The following DLGAP1 variants were observed in gnomAD, a reference collection of about 807,000 sequenced individuals.
The protein encoded by DLGAP1 is DLG associated protein 1, also known as disks large-associated protein 1.
In DLGAP1, 11 loss-of-function variants were observed where a neutral mutation model predicts 90.8. The ratio of observed to expected loss-of-function variants is 0.12; its 90% CI spans 0.08 to 0.20. The LOEUF is 0.20. DLGAP1 is among the 10% of genes least tolerant of loss of function. DLGAP1 has a pLI of 1.00. For missense variants in DLGAP1, 1,050 were observed against 1,333.8 expected (o/e 0.79, Z 3.31); for synonymous variants, 558 against 540.7 (o/e 1.03, Z -0.44).
At chr18:3,802,253 G>T (rs927936932) in intron 5 of DLGAP1, among the ~76,000 whole-genome samples, 1 of 147,738 alleles carries the variant, frequency 6.8e-6, no homozygotes, top group Admixed American at 6.7e-5. Flanking sequence ...AAAGTGTTGG[G>T]ATTACAGGCA....
chr18:3,551,717 TCCCTC>T lies in DLGAP1; in HGVS notation c.2057+15768_2057+15772del, dbSNP rs1599192671. Among the ~76,000 whole-genome samples, 97 of 37,352 alleles carry T rather than the reference TCCCTC, an allele frequency of 2.6e-3. 3 individuals are homozygous for T. The highest frequency in any genetic ancestry group is 0.012 in the African/African-American group (92 of 7,614). The allele number at this position is 37,352 out of a possible 152,430, so 24.5% of individuals were successfully genotyped here. A position where few individuals can be genotyped will look rare whatever the true frequency, so the allele number is the denominator to read the frequency against. Reference sequence around the variant, plus strand: ...CTCCCTCCCTCCCTCCCTCCCTCCCTCCCTCCCTTCCTTCCTTCCTTCCTTCCTTC... The same window carrying T: ...CTCCCTCCCTCCCTCCCTCCCTCCCTCCTTCCTTCCTTCCTTCCTTCCTTC... On this transcript the variant is annotated intron_variant, in intron 9 of 12. Transcript: ENST00000315677.
chr18:4,024,860 G>A (rs1052949800), intron 2 of DLGAP1, among the ~76,000 whole-genome samples: 1 of 152,096 alleles, frequency 6.6e-6, no homozygotes, highest in African/African-American at 2.4e-5. Context: ...TGTGGTGTTC[G>A]AGAGCCAGAT....
At chr18:3,645,837 G>C (rs778657869) in intron 7 of DLGAP1, among the ~76,000 whole-genome samples, 94 of 152,124 alleles carry the variant, frequency 6.2e-4, no homozygotes, top group Non-Finnish European at 8.8e-4. Context: ...AGTAGTAAGG[G>C]CATTTATTAA....
intron 1 of DLGAP1, among the ~76,000 whole-genome samples, chr18:4,214,759 C>G (rs949017388): frequency 6.6e-6 from 1 of 152,098 alleles, no homozygotes; most frequent in African/African-American, 2.4e-5. Context: ...ATTAATTAAC[C>G]TTAGCAGTGA....
intron 1 of DLGAP1, among the ~76,000 whole-genome samples, chr18:4,256,438 T>C (rs1328441490): frequency 1.3e-5 from 2 of 152,114 alleles, no homozygotes; most frequent in Admixed American, 6.6e-5. Flanking sequence ...ACAAAAATCA[T>C]ACCTCCGTAT....
chr18:4,237,433 T>C (rs1414782911), intron 1 of DLGAP1, among the ~76,000 whole-genome samples: 3 of 151,972 alleles, frequency 2.0e-5, no homozygotes, highest in Non-Finnish European at 4.4e-5. Flanking sequence ...AGTGGAGAAA[T>C]GAAAGACAGA....
intron 7 of DLGAP1, among the ~76,000 whole-genome samples, chr18:3,723,786 G>A (rs933289125): frequency 3.9e-5 from 6 of 152,180 alleles, no homozygotes; most frequent in African/African-American, 1.4e-4. Context: ...AGGAATGGGG[G>A]AGGGTGTAAG....
rs2064885864 is a variant in DLGAP1, at chr18:3,775,267, G to A, written c.1173-32755C>T. On this transcript the variant is annotated intron_variant, in intron 5 of 12. Coordinates refer to ENST00000315677, the MANE Select transcript of DLGAP1 (RefSeq NM_004746.4). The surrounding 1 kb of genome is among the most constrained non-coding windows in gnomAD (Gnocchi z 4.9). The stretch of plus-strand genomic sequence containing the variant: ...TCCCCTGTGTTATGCACATCGATAT[G>A]GTTTGGCTTTGTGTCCCCACACAAA... 6.6e-6 allele frequency among the ~76,000 whole-genome samples: 1 copy of A among 152,152 alleles called. No individual in the cohort carries two copies. Among genetic ancestry groups the A allele is most frequent in the Non-Finnish European group, 1.5e-5 (1 of 68,026 alleles).
In DLGAP1 at chr18:3,567,471, T is replaced by C. The variant is rs373939141; in HGVS notation, c.2057+19A>G. The C allele has an allele frequency of 1.9e-6, 3 of 1,594,582 alleles. No individual in the cohort carries two copies. Among genetic ancestry groups the C allele is most frequent in the Admixed American group, 1.7e-5 (1 of 59,066 alleles). ...TTCAAAACATCAAGACAAAAGAGGA[T>C]GCGTGCATGTGGACTTACCACTTCT... On this transcript the variant is annotated intron_variant, in intron 9 of 12. Coordinates refer to ENST00000315677, the MANE Select transcript of DLGAP1 (RefSeq NM_004746.4).
At position 3,729,170 on chromosome 18, in the gene DLGAP1, G is replaced by T. The variant is rs1245773432; in HGVS notation, c.1556C>A (p.Thr519Asn). The T allele has an allele frequency of 1.2e-6, 2 of 1,613,202 alleles. No homozygotes were observed. Among genetic ancestry groups the T allele is most frequent in the South Asian group, 1.1e-5 (1 of 90,936 alleles). Reference protein sequence around the residue: ...VSLRSSSPPRTTTTVRTIQSS... With the variant: ...VSLRSSSPPRNTTTVRTIQSS... ...CTGGATGGTCCTAACGGTGGTGGTG[G>T]TGCGCGGCGGCGAGGACGACCTCAG... is the stretch of plus-strand genomic sequence containing the variant. The change falls in exon 7 of 13, where the codon ACC (threonine) becomes AAC (asparagine). Residue 519 changes from threonine to asparagine, a missense_variant. By Grantham distance (65) the Thr-to-Asn change is moderately conservative. Transcript: ENST00000315677. The surrounding 1 kb of genome is among the most constrained non-coding windows in gnomAD (Gnocchi z 6.2).
chr18:3,535,273 A>T (rs2052289361), intron 9 of DLGAP1, among the ~76,000 whole-genome samples: 1 of 152,204 alleles, frequency 6.6e-6, no homozygotes, highest in Non-Finnish European at 1.5e-5. Flanking sequence ...TAAAGCCAGT[A>T]GAATGTGCAG....
chr18:3,855,091 C>T (rs560018406), intron 4 of DLGAP1, among the ~76,000 whole-genome samples: 25 of 152,250 alleles, frequency 1.6e-4, no homozygotes, highest in Non-Finnish European at 2.5e-4. Context: ...ATATACACCA[C>T]GGAATACTAC....
intron 1 of DLGAP1, among the ~76,000 whole-genome samples, chr18:4,345,313 T>G (rs1289552769): frequency 6.6e-6 from 1 of 152,234 alleles, no homozygotes; most frequent in African/African-American, 2.4e-5. Context: ...AATTCTGTTT[T>G]GATAATAATC....
At chr18:4,425,061 G>T in intron 1 of DLGAP1, among the ~76,000 whole-genome samples, 1 of 104,264 alleles carries the variant, frequency 9.6e-6, no homozygotes, top group Non-Finnish European at 1.8e-5. Context: ...TTCCTTGGTG[G>T]GGCGGGGGGC....
chr18:4,033,935 C>G (rs1388196310), intron 2 of DLGAP1, among the ~76,000 whole-genome samples: 1 of 151,510 alleles, frequency 6.6e-6, no homozygotes, highest in Non-Finnish European at 1.5e-5. Context: ...GACAAGGTTT[C>G]ACTGTGTTAG....
At chr18:3,790,582 T>C (rs1041316906) in intron 5 of DLGAP1, among the ~76,000 whole-genome samples, 41 of 152,242 alleles carry the variant, frequency 2.7e-4, no homozygotes, top group Admixed American at 2.7e-3. Context: ...TTTGTTTCTT[T>C]AATCTTTAAA....
intron 1 of DLGAP1, chr18:4,281,019 G>A (rs2079537294): frequency 6.6e-6 from 1 of 152,150 alleles, no homozygotes; most frequent in Non-Finnish European, 1.5e-5. Context: ...GATATCCTAT[G>A]AGAAACAGAT....
At chr18:4,063,480 GA>G (rs1412125027) in intron 2 of DLGAP1, among the ~76,000 whole-genome samples, 3 of 152,020 alleles carry the variant, frequency 2.0e-5, no homozygotes, top group Non-Finnish European at 2.9e-5. Flanking sequence ...GACATATTTT[GA>G]AACAGCTATT....
chr18:3,742,225 T>C (rs1474602932), intron 6 of DLGAP1, 110 bp downstream of exon 6: 1 of 1,333,336 alleles, frequency 7.5e-7, no homozygotes. Flanking sequence ...GTCTGATCCA[T>C]CAATGGTCTA....
Sources: gnomAD v4.1 joint callset for allele counts (sites outside exome capture counted in the v4.1 genomes callset) on GRCh38, gnomAD v4.1.1 for gene constraint, Gnocchi (gnomAD v3.1) non-coding constraint, MANE v1.5 for transcripts, NCBI Gene and HGNC (gene_info 2026-07-23, HGNC 2026-07-21) for gene names.